EYA2: variants seen among roughly 807,000 people sequenced by gnomAD.
The protein encoded by EYA2 is protein phosphatase EYA2.
EYA2 carries 31 observed loss-of-function variants against 69.2 expected under a neutral mutation model. That is an observed-to-expected ratio of 0.45 (90% CI 0.34 to 0.60). The LOEUF is 0.60. EYA2 is among the 20% of genes least tolerant of loss of function. The pLI is 0.02. For synonymous variants in EYA2, 257 were observed against 279.4 expected (o/e 0.92, Z 0.80); for missense variants, 622 against 701.2 (o/e 0.89, Z 1.28).
At chr20:47,160,964 C>T (rs946970539) in intron 10 of EYA2, 1 of 289,098 alleles carries the variant, frequency 3.5e-6, no homozygotes. Context: ...AATACAGTCT[C>T]CTTCCAGAGG....
intron 5 of EYA2, among the ~76,000 whole-genome samples, chr20:47,057,697 G>T (rs939161862): frequency 6.6e-6 from 1 of 152,228 alleles, no homozygotes; most frequent in Non-Finnish European, 1.5e-5. Context: ...AAGGTGGAAG[G>T]GGGGATGTCT....
chr20:47,135,782 T>C (rs2033448089), intron 9 of EYA2, among the ~76,000 whole-genome samples: 1 of 118,058 alleles, frequency 8.5e-6, no homozygotes, highest in Non-Finnish European at 1.7e-5. Context: ...AAGAATTCAA[T>C]ACCAGCCTGG....
At chr20:46,973,991 G>A (rs1180483617) in intron 1 of EYA2, among the ~76,000 whole-genome samples, 2 of 152,130 alleles carry the variant, frequency 1.3e-5, no homozygotes, top group Non-Finnish European at 2.9e-5. Flanking sequence ...GTGGCAGATG[G>A]CAGAAGAGTG....
intron 1 of EYA2, among the ~76,000 whole-genome samples, chr20:46,965,778 C>T (rs1979741797): frequency 6.6e-6 from 1 of 152,242 alleles, no homozygotes; most frequent in Non-Finnish European, 1.5e-5. Flanking sequence ...CCTGCACGTA[C>T]GAGTGGCCCT....
chr20:47,072,195 G>A lies in EYA2; in HGVS notation c.426G>A (p.Gly142=), dbSNP rs566535797. ...TCCTCCTTCCCACAGGCACAACAGG[G>A]TTCTATCAAGGAGGAAATGGACTGG... The part of the protein sequence containing the change: ...PYTYQMHGTT[G]FYQGGNGLGN... Residue 142 remains glycine (G), a synonymous_variant, in exon 6 of 16, where the codon GGG becomes GGA. Transcript: ENST00000327619. 1.9e-6 allele frequency: 3 copies of A among 1,612,974 alleles called. No individual in the cohort carries two copies. The highest frequency in any genetic ancestry group is 1.7e-5 in the Admixed American group (1 of 59,908).
intron 10 of EYA2, among the ~76,000 whole-genome samples, chr20:47,151,500 T>C (rs2033822304): frequency 6.6e-6 from 1 of 151,862 alleles, no homozygotes; most frequent in Non-Finnish European, 1.5e-5. Context: ...TCCTTGAACA[T>C]CCATGCTCCC....
chr20:47,003,219 A>G (rs554791380), intron 3 of EYA2, among the ~76,000 whole-genome samples: 2 of 152,040 alleles, frequency 1.3e-5, no homozygotes, highest in African/African-American at 2.4e-5. Context: ...GTGGCGTGTT[A>G]TTAAGTCTCT....
chr20:46,911,778 T>G (rs1984655456), intron 1 of EYA2, among the ~76,000 whole-genome samples: 1 of 152,128 alleles, frequency 6.6e-6, no homozygotes, highest in Non-Finnish European at 1.5e-5. Flanking sequence ...GAATGAGGGT[T>G]CCCAGTGGCT....
intron 9 of EYA2, among the ~76,000 whole-genome samples, chr20:47,101,971 G>A (rs1181727066): frequency 2.2e-4 from 33 of 152,230 alleles, no homozygotes; most frequent in Non-Finnish European, 1.5e-5. Context: ...CTGTCATCAA[G>A]TATGACATTC....
intron 5 of EYA2, among the ~76,000 whole-genome samples, chr20:47,054,639 G>A (rs59824207): frequency 0.01 from 1,537 of 152,064 alleles, 29 homozygotes; most frequent in African/African-American, 0.036. Flanking sequence ...TTGACACCTG[G>A]GCAGCCCAGG....
At chr20:47,071,925 C>T (rs527906934) in intron 5 of EYA2, 53 of 495,472 alleles carry the variant, frequency 1.1e-4, no homozygotes, top group Middle Eastern at 5.5e-4. Flanking sequence ...TAGCCACGGC[C>T]GCATCAGCAA....
chr20:46,932,138 G>A (rs1322414157), intron 1 of EYA2, among the ~76,000 whole-genome samples: 1 of 151,436 alleles, frequency 6.6e-6, no homozygotes, highest in African/African-American at 2.4e-5. Context: ...CTCGCCCCCC[G>A]CCTAATAAGC....
intron 7 of EYA2, among the ~76,000 whole-genome samples, chr20:47,086,328 A>C (rs2031892091): frequency 6.6e-6 from 1 of 152,202 alleles, no homozygotes; most frequent in Non-Finnish European, 1.5e-5. Context: ...TCTACTAAAA[A>C]TATAAAAATT....
chr20:47,162,620 GT>G (rs1371001796), intron 10 of EYA2, among the ~76,000 whole-genome samples: 1 of 148,908 alleles, frequency 6.7e-6, no homozygotes, highest in African/African-American at 2.5e-5. Flanking sequence ...CCAGGCTTAG[GT>G]GATCCTCCCA....
intron 6 of EYA2, among the ~76,000 whole-genome samples, chr20:47,073,815 G>A (rs769442534): frequency 1.3e-5 from 2 of 152,036 alleles, no homozygotes; most frequent in Non-Finnish European, 2.9e-5. Context: ...CCACTCCCTT[G>A]ACCCGTGGGA....
chr20:47,161,107 G>T (rs1414022200), intron 10 of EYA2: 1 of 322,222 alleles, frequency 3.1e-6, no homozygotes, highest in African/African-American at 2.2e-5. Context: ...TGGGCATGGG[G>T]ACCGAGATGA....
Position 47,180,886 on chromosome 20 carries a change from G to T in EYA2, c.1385G>T (p.Gly462Val). ...IPALAKVLLY[G>V]LGSVFPIENI... is the part of the protein sequence containing the mutation. ...GCCCTGGCCAAAGTCCTGCTATATG[G>T]CCTGGGGTCTGTGTTTCCTATTGAG... The change falls in exon 14 of 16, where the codon GGC becomes GTC. Residue 462 changes from glycine (G) to valine (V), a missense_variant. Coordinates refer to ENST00000327619, the MANE Select transcript of EYA2 (RefSeq NM_005244.5). The T allele has an allele frequency of 1.2e-6, 2 of 1,614,194 alleles. No individual in the cohort carries two copies. Among genetic ancestry groups the T allele is most frequent in the Non-Finnish European group, 1.7e-6 (2 of 1,180,032 alleles).
At chr20:46,940,767 C>A (rs1986122057) in intron 1 of EYA2, among the ~76,000 whole-genome samples, 1 of 152,216 alleles carries the variant, frequency 6.6e-6, no homozygotes, top group African/African-American at 2.4e-5. Flanking sequence ...GCATCGGGGG[C>A]TATGGCCAGC....
intron 7 of EYA2, among the ~76,000 whole-genome samples, chr20:47,081,085 A>C (rs1292282849): frequency 6.6e-6 from 1 of 151,892 alleles, no homozygotes. Context: ...TTCGGCCATG[A>C]TTGTGAGGCT....
Sources: allele counts gnomAD v4.1 joint callset (sites outside exome capture counted in the v4.1 genomes callset), GRCh38; gene constraint gnomAD v4.1.1; transcripts MANE v1.5; gene names NCBI Gene and HGNC (gene_info 2026-07-23, HGNC 2026-07-21).